The following TYW1 variants were observed in gnomAD, a reference collection of about 807,000 sequenced individuals.
TYW1 encodes the protein S-adenosyl-L-methionine-dependent tRNA 4-demethylwyosine synthase TYW1.
In TYW1, 46 loss-of-function variants were observed where a neutral mutation model predicts 96.2. The ratio of observed to expected loss-of-function variants is 0.48; its 90% CI spans 0.38 to 0.61. TYW1 has a LOEUF of 0.61. Among genes scored for constraint, TYW1 ranks in the 20% least tolerant of loss-of-function variants. TYW1 has a pLI of 0.00. For synonymous variants in TYW1, 274 were observed against 323.0 expected, an observed-to-expected ratio of 0.85 and a Z score of 1.63; for missense variants, 684 against 909.6, an observed-to-expected ratio of 0.75 and a Z score of 3.19.
intron 14 of TYW1, among the ~76,000 whole-genome samples, chr7:67,188,008 T>C (rs10950063): frequency 0.064 from 9,704 of 152,266 alleles, 418 homozygotes; most frequent in South Asian, 0.11. Context: ...AAGTTAAAAA[T>C]TTCTAAAATA....
intron 14 of TYW1, among the ~76,000 whole-genome samples, chr7:67,192,111 G>C (rs972755176): frequency 6.6e-6 from 1 of 151,802 alleles, no homozygotes; most frequent in Non-Finnish European, 1.5e-5. Context: ...GGCAAGGCTG[G>C]TCTCGAATTC....
intron 6 of TYW1, 134 bp downstream of exon 6, chr7:67,018,277 A>G (rs1451947990): frequency 8.3e-7 from 1 of 1,210,110 alleles, no homozygotes; most frequent in South Asian, 1.6e-5. Context: ...AGTGGCTCGC[A>G]CTTGTAATCC....
chr7:67,129,655 C>T (rs1263088751), intron 13 of TYW1, among the ~76,000 whole-genome samples: 1 of 152,138 alleles, frequency 6.6e-6, no homozygotes, highest in Non-Finnish European at 1.5e-5. Flanking sequence ...GTGATGACGT[C>T]CAAGCAACTT....
At chr7:67,106,350 C>G (rs1466471264) in intron 12 of TYW1, among the ~76,000 whole-genome samples, 1 of 152,208 alleles carries the variant, frequency 6.6e-6, no homozygotes, top group Non-Finnish European at 1.5e-5. Flanking sequence ...ACTGTACCAT[C>G]TGTGCATTCA....
chr7:67,032,773 C>A (rs984650563), intron 7 of TYW1, among the ~76,000 whole-genome samples: 1 of 152,050 alleles, frequency 6.6e-6, no homozygotes, highest in African/African-American at 2.4e-5. Flanking sequence ...ATGACCATCT[C>A]CCTGGCAAGT....
intron 9 of TYW1, among the ~76,000 whole-genome samples, chr7:67,065,670 A>G (rs1177196144): frequency 6.6e-6 from 1 of 151,824 alleles, no homozygotes; most frequent in East Asian, 1.9e-4. Context: ...AACAAAAAAT[A>G]GTTAAAAGGC....
intron 13 of TYW1, among the ~76,000 whole-genome samples, chr7:67,160,774 TAG>T (rs1233604873): frequency 2.6e-5 from 4 of 151,346 alleles, no homozygotes; most frequent in Non-Finnish European, 5.9e-5. Flanking sequence ...GTACTTTTAG[TAG>T]AGATAGGGTT....
intron 13 of TYW1, among the ~76,000 whole-genome samples, chr7:67,136,660 T>A (rs1798265694): frequency 7.6e-6 from 1 of 131,234 alleles, no homozygotes; most frequent in Non-Finnish European, 1.6e-5. Flanking sequence ...CGTGTGTGTG[T>A]GTGTGTGTGT....
chr7:67,227,996 G>C (rs1014426962), intron 15 of TYW1, among the ~76,000 whole-genome samples: 28 of 152,302 alleles, frequency 1.8e-4, no homozygotes, highest in African/African-American at 6.3e-4. Flanking sequence ...CTTGCGGGCC[G>C]CTGAACTTTG....
In TYW1 at chr7:67,094,651, AGTGTGTGTGTGT is replaced by A. The variant is rs56069939; in HGVS notation, c.1385-3861_1385-3850del. ...GGGAGGAAGAGAGAGAGAGAATTAGAGTGTGTGTGTGTGTGTGTGTGTGTGTGTGTGTGTGTG... is the reference window on the plus strand; with the variant it reads ...GGGAGGAAGAGAGAGAGAGAATTAGAGTGTGTGTGTGTGTGTGTGTGTGTG... On this transcript the variant is annotated intron_variant, in intron 11 of 15. Transcript: ENST00000359626. Among the ~76,000 whole-genome samples the A allele has an allele frequency of 1.0e-3, 143 of 141,712 alleles. 1 individual carries two copies. The highest frequency in any genetic ancestry group is 3.4e-3 in the African/African-American group (133 of 38,710). The allele number at this position is 141,712 out of a possible 152,430, so 93.0% of individuals were successfully genotyped here. A position where few individuals can be genotyped will look rare whatever the true frequency, so the allele number is the denominator to read the frequency against.
chr7:67,049,596 G>C (rs1340642412), intron 7 of TYW1, among the ~76,000 whole-genome samples: 1 of 152,058 alleles, frequency 6.6e-6, no homozygotes, highest in Non-Finnish European at 1.5e-5. Context: ...GCCCAGGCTG[G>C]AGTACGGTGG....
intron 13 of TYW1, among the ~76,000 whole-genome samples, chr7:67,149,722 A>ATATATATC (rs1798730761): frequency 7.1e-6 from 1 of 140,120 alleles, no homozygotes; most frequent in African/African-American, 2.7e-5. Flanking sequence ...AGGAAAAAAA[A>ATATATATC]TATCTATCTA....
chr7:67,169,423 T>C (rs4718470), intron 13 of TYW1, among the ~76,000 whole-genome samples: 42,697 of 151,910 alleles, frequency 0.28, 6,506 homozygotes, highest in African/African-American at 0.4. Context: ...TTTTTTGAGA[T>C]GGAGTCTCGC....
intron 13 of TYW1, among the ~76,000 whole-genome samples, chr7:67,131,093 C>A (rs1237937674): frequency 1.3e-5 from 2 of 151,868 alleles, no homozygotes; most frequent in Non-Finnish European, 2.9e-5. Flanking sequence ...TATTTCCCAA[C>A]AACCTGCTTG....
chr7:67,040,189 C>T (rs1360548031), intron 7 of TYW1, among the ~76,000 whole-genome samples: 2 of 151,080 alleles, frequency 1.3e-5, no homozygotes, highest in Non-Finnish European at 3.0e-5. Flanking sequence ...AACTCCTGAC[C>T]TCAAGTGATC....
At chr7:67,168,542 TTG>T in intron 13 of TYW1, among the ~76,000 whole-genome samples, 1 of 152,270 alleles carries the variant, frequency 6.6e-6, no homozygotes, top group Non-Finnish European at 1.5e-5. Context: ...TTTTATTAAG[TTG>T]TGTTTTCTTT....
chr7:67,114,161 C>T (rs1288258217), intron 12 of TYW1, among the ~76,000 whole-genome samples: 1 of 152,172 alleles, frequency 6.6e-6, no homozygotes, highest in South Asian at 2.1e-4. Flanking sequence ...TCCTCCTGAG[C>T]TATTTGGCTT....
intron 12 of TYW1, among the ~76,000 whole-genome samples, chr7:67,107,896 A>G (rs1444253599): frequency 7.2e-6 from 1 of 138,680 alleles, no homozygotes; most frequent in Non-Finnish European, 1.5e-5. Context: ...TTTTTTTTTA[A>G]GATAGAGTCT....
At position 67,067,283 on chromosome 7, in the gene TYW1, A is replaced by G; in HGVS notation, c.1156-2A>G. ...AAATTGTGATTTGTTTACTTGTCAT[A>G]GTCCATGCTCCGAGGGAGAGGAGGT... is the stretch of plus-strand genomic sequence containing the variant. On this transcript the variant is annotated splice_acceptor_variant, in intron 9 of 15. Transcript: ENST00000359626. LOFTEE classifies it high-confidence loss of function. 4.3e-6 allele frequency: 7 copies of G among 1,613,940 alleles called. No individual in the cohort carries two copies. Among genetic ancestry groups the G allele is most frequent in the Non-Finnish European group, 5.9e-6 (7 of 1,179,820 alleles).
Sources: gnomAD v4.1 joint callset for allele counts (sites outside exome capture counted in the v4.1 genomes callset) on GRCh38, gnomAD v4.1.1 for gene constraint, MANE v1.5 for transcripts, NCBI Gene and HGNC (gene_info 2026-07-23, HGNC 2026-07-21) for gene names.